TCF12: variants seen among roughly 807,000 people sequenced by gnomAD.
TCF12 encodes the protein DNA-binding protein HTF4.
Under a neutral mutation model 86.0 loss-of-function variants are expected in TCF12, and 45 were observed. The observed-to-expected ratio is 0.52, with a 90% CI of 0.41 to 0.67. The LOEUF (loss-of-function observed/expected upper bound fraction) is 0.67. Among genes scored for constraint, TCF12 ranks in the 30% least tolerant of loss-of-function variants. TCF12 has a pLI of 0.00. For synonymous variants in TCF12, 330 were observed against 299.6 expected, an observed-to-expected ratio of 1.10 and a Z score of -1.05; for missense variants, 881 against 859.9, an observed-to-expected ratio of 1.02 and a Z score of -0.31.
intron 3 of TCF12, among the ~76,000 whole-genome samples, chr15:57,046,818 A>G (rs2067261382): frequency 6.6e-6 from 1 of 152,192 alleles, no homozygotes; most frequent in Non-Finnish European, 1.5e-5. Flanking sequence ...TTTCCTTCAC[A>G]CTATCGATAA....
intron 5 of TCF12, among the ~76,000 whole-genome samples, chr15:57,100,373 G>A (rs919762868): frequency 8.6e-5 from 13 of 151,648 alleles, no homozygotes; most frequent in Non-Finnish European, 1.6e-4. Context: ...TCCTAGAGCA[G>A]CATTAACAGA....
At chr15:57,242,456 A>C (rs1487965952) in intron 12 of TCF12, among the ~76,000 whole-genome samples, 1 of 152,182 alleles carries the variant, frequency 6.6e-6, no homozygotes, top group Non-Finnish European at 1.5e-5. Context: ...TGGGAGGCCA[A>C]AGCGGGTGGA....
upstream of TCF12, chr15:56,918,472 C>G: frequency 6.1e-6 from 2 of 330,386 alleles, no homozygotes; most frequent in Non-Finnish European, 1.2e-5. Flanking sequence ...GCCCCAACTC[C>G]GTCCCGCCTC....
intron 3 of TCF12, among the ~76,000 whole-genome samples, chr15:57,054,175 G>A (rs1268439937): frequency 3.9e-5 from 6 of 152,154 alleles, no homozygotes; most frequent in Non-Finnish European, 8.8e-5. Flanking sequence ...AATGGTCTAA[G>A]ACTTGAACCA....
At chr15:57,242,745 A>G (rs1488644635) in intron 12 of TCF12, among the ~76,000 whole-genome samples, 1 of 152,218 alleles carries the variant, frequency 6.6e-6, no homozygotes, top group African/African-American at 2.4e-5. Context: ...TATGAAATAT[A>G]TATAAAGTAT....
chr15:56,987,133 A>G (rs1941938598), intron 3 of TCF12, among the ~76,000 whole-genome samples: 1 of 151,958 alleles, frequency 6.6e-6, no homozygotes, highest in Non-Finnish European at 1.5e-5. Context: ...CCCTGAGACA[A>G]GAGTTTCGCT....
At chr15:57,014,736 G>T (rs1385477896) in intron 3 of TCF12, among the ~76,000 whole-genome samples, 1 of 152,080 alleles carries the variant, frequency 6.6e-6, no homozygotes, top group African/African-American at 2.4e-5. Context: ...AGATTCTTCT[G>T]CAGGGTTGAC....
chr15:57,191,903 C>T (rs575686933), intron 6 of TCF12, among the ~76,000 whole-genome samples: 3 of 151,310 alleles, frequency 2.0e-5, no homozygotes, highest in African/African-American at 7.3e-5. Context: ...CACTACACTC[C>T]AGCCTGGGCA....
At position 56,932,283 on chromosome 15, in the gene TCF12, C is replaced by T. The variant is rs530739717; in HGVS notation, c.148+11185C>T. On this transcript the variant is annotated intron_variant, in intron 3 of 20. Coordinates refer to ENST00000333725, the MANE Select transcript of TCF12 (RefSeq NM_207037.2). Reference sequence around the variant, plus strand: ...AGGAAGTTGGTAACTGTTCATTTTACAGAGGAAATAGAGAAATCAACAGTG... The same window carrying T: ...AGGAAGTTGGTAACTGTTCATTTTATAGAGGAAATAGAGAAATCAACAGTG... Among the ~76,000 whole-genome samples, 19 of 152,258 alleles carry T rather than the reference C, an allele frequency of 1.2e-4. 1 individual carries two copies. The South Asian group carries it at 3.9e-3, about 32-fold the overall frequency.
chr15:57,101,892 T>C (rs756370894), intron 5 of TCF12, among the ~76,000 whole-genome samples: 1 of 152,220 alleles, frequency 6.6e-6, no homozygotes, highest in African/African-American at 2.4e-5. Context: ...TAATTGTAAA[T>C]TTTATTAGTT....
intron 3 of TCF12, among the ~76,000 whole-genome samples, chr15:56,926,416 G>T (rs2060018691): frequency 6.6e-6 from 1 of 152,158 alleles, no homozygotes; most frequent in African/African-American, 2.4e-5. Flanking sequence ...CATTATTGTA[G>T]TTTAAATTGA....
At chr15:56,920,081 A>C (rs747479427) in intron 2 of TCF12, 93 bp downstream of exon 2, 89 of 1,384,212 alleles carry the variant, frequency 6.4e-5, no homozygotes, top group Non-Finnish European at 8.8e-5. Context: ...AGGGGAAGCA[A>C]CGTGGAGACT....
chr15:57,135,878 G>C (rs1399253800), intron 5 of TCF12, among the ~76,000 whole-genome samples: 1 of 151,326 alleles, frequency 6.6e-6, no homozygotes, highest in Non-Finnish European at 1.5e-5. Flanking sequence ...ATACATTGTT[G>C]TTAAGAACTG....
intron 5 of TCF12, among the ~76,000 whole-genome samples, chr15:57,156,706 T>C (rs892053949): frequency 6.6e-6 from 1 of 152,198 alleles, no homozygotes; most frequent in Admixed American, 6.5e-5. Flanking sequence ...CAGACCAGTG[T>C]TCTCTGAACA....
rs577663284 is a variant in TCF12 at position 56,977,362 on chromosome 15, G to T, written c.148+56264G>T. On this transcript the variant is annotated intron_variant, in intron 3 of 20. Coordinates refer to ENST00000333725, the MANE Select transcript of TCF12 (RefSeq NM_207037.2). Reference sequence around the variant, plus strand: ...AGCCTTGGCAACGTGGCAGAATCCCGTCTCTACTAAAAATATAACAAGTAG... The same window carrying T: ...AGCCTTGGCAACGTGGCAGAATCCCTTCTCTACTAAAAATATAACAAGTAG... Among the ~76,000 whole-genome samples the T allele has an allele frequency of 3.0e-4, 46 of 152,146 alleles. 1 individual carries two copies. In the South Asian group the frequency reaches 9.3e-3, roughly 31 times the overall value.
intron 3 of TCF12, among the ~76,000 whole-genome samples, chr15:57,036,022 A>G (rs1262590722): frequency 6.6e-6 from 1 of 152,008 alleles, no homozygotes. Flanking sequence ...TCCGAAGTGG[A>G]ACAGTTTTAT....
chr15:57,169,637 A>G (rs574997278), intron 6 of TCF12, among the ~76,000 whole-genome samples: 1 of 152,284 alleles, frequency 6.6e-6, no homozygotes, highest in Admixed American at 6.5e-5. Flanking sequence ...TTTTTAAGAG[A>G]CCTAAATGTT....
At chr15:57,107,176 G>T (rs563850866) in intron 5 of TCF12, among the ~76,000 whole-genome samples, 3 of 152,192 alleles carry the variant, frequency 2.0e-5, no homozygotes, top group South Asian at 4.1e-4. Context: ...ATGTCCTTCA[G>T]TAGGTGAATG....
chr15:57,226,163 G>A (rs1175656392), intron 8 of TCF12, among the ~76,000 whole-genome samples: 1 of 150,402 alleles, frequency 6.6e-6, no homozygotes, highest in African/African-American at 2.4e-5. Context: ...TATAGGGTTT[G>A]ACCTGGGTTG....
Sources: allele counts gnomAD v4.1 joint callset (sites outside exome capture counted in the v4.1 genomes callset), GRCh38; gene constraint gnomAD v4.1.1; transcripts MANE v1.5; gene names NCBI Gene and HGNC (gene_info 2026-07-23, HGNC 2026-07-21).